Variants in EYS observed in about 807,000 individuals in gnomAD.
EYS encodes protein eyes shut homolog.
In EYS, 250 loss-of-function variants were observed where a neutral mutation model predicts 282.1. That is an observed-to-expected ratio of 0.89 (90% confidence interval 0.80 to 0.98). The LOEUF is 0.98. Among genes scored for constraint, EYS ranks in the 50% least tolerant of loss-of-function variants. The pLI is 0.00. For synonymous variants in EYS, 1,355 were observed against 1,282.9 expected, an observed-to-expected ratio of 1.06 and a Z score of -1.20; for missense variants, 4,016 against 3,709.0, an observed-to-expected ratio of 1.08 and a Z score of -2.15.
At chr6:64,855,394 T>C (rs1766025825) in intron 19 of EYS, among the ~76,000 whole-genome samples, 2 of 152,164 alleles carry the variant, frequency 1.3e-5, no homozygotes, top group Admixed American at 6.6e-5. Context: ...TTTCCTTTTC[T>C]CTAGTTTTTT....
chr6:65,193,037 A>G (rs765274891), intron 12 of EYS, among the ~76,000 whole-genome samples: 7 of 151,856 alleles, frequency 4.6e-5, no homozygotes, highest in Non-Finnish European at 1.0e-4. Flanking sequence ...CATGGATAGA[A>G]CTGGAGGTCA....
intron 2 of EYS, among the ~76,000 whole-genome samples, chr6:65,590,145 T>G (rs1437901817): frequency 1.3e-5 from 2 of 151,998 alleles, no homozygotes; most frequent in African/African-American, 4.8e-5. Context: ...AAAATGATTC[T>G]GAAGATGTAG....
At chr6:65,063,076 C>T (rs1285594725) in intron 12 of EYS, among the ~76,000 whole-genome samples, 3 of 151,606 alleles carry the variant, frequency 2.0e-5, no homozygotes, top group Non-Finnish European at 4.4e-5. Context: ...AGTCAGAGTC[C>T]ATTATTAGTA....
At chr6:64,730,125 C>A (rs552834673) in intron 22 of EYS, among the ~76,000 whole-genome samples, 1 of 152,066 alleles carries the variant, frequency 6.6e-6, no homozygotes, top group Admixed American at 6.5e-5. Context: ...AATAAATGAT[C>A]TAAATATATT....
chr6:64,448,629 A>G (rs1775206430), intron 26 of EYS, among the ~76,000 whole-genome samples: 1 of 152,170 alleles, frequency 6.6e-6, no homozygotes, highest in African/African-American at 2.4e-5. Flanking sequence ...CTGACATCTC[A>G]CACAGCCGGG....
At chr6:65,007,413 T>C (rs1311316234) in intron 13 of EYS, among the ~76,000 whole-genome samples, 1 of 152,152 alleles carries the variant, frequency 6.6e-6, no homozygotes, top group Non-Finnish European at 1.5e-5. Context: ...GCCTGGCCAC[T>C]ATACCCTCTT....
intron 2 of EYS, among the ~76,000 whole-genome samples, chr6:65,506,255 T>G (rs1582390003): frequency 6.6e-6 from 1 of 152,026 alleles, no homozygotes; most frequent in Non-Finnish European, 1.5e-5. Flanking sequence ...TATAGGTGGG[T>G]CTTGTTTATT....
At chr6:65,018,703 GT>G (rs1433158617) in intron 13 of EYS, among the ~76,000 whole-genome samples, 1 of 151,950 alleles carries the variant, frequency 6.6e-6, no homozygotes, top group Non-Finnish European at 1.5e-5. Context: ...TTGTTTGTTT[GT>G]TTAGAAGTTT....
intron 28 of EYS, among the ~76,000 whole-genome samples, chr6:64,395,286 A>C (rs1773321075): frequency 6.6e-6 from 1 of 152,304 alleles, no homozygotes; most frequent in African/African-American, 2.4e-5. Context: ...TACTGGGTAT[A>C]TACCCAAAGG....
intron 30 of EYS, among the ~76,000 whole-genome samples, chr6:64,278,908 A>G (rs79556411): frequency 0.2 from 29,981 of 151,950 alleles, 3,673 homozygotes; most frequent in East Asian, 0.35. Context: ...ACATGCCACC[A>G]TGCCTGGCTA....
intron 26 of EYS, among the ~76,000 whole-genome samples, chr6:64,451,982 C>A (rs1775366782): frequency 6.6e-6 from 1 of 152,144 alleles, no homozygotes; most frequent in South Asian, 2.1e-4. Flanking sequence ...CACTCTTATT[C>A]AACATAGTGT....
chr6:64,388,856 A>C lies in EYS; in HGVS notation c.5928-16T>G, dbSNP rs1773001456. On this transcript the variant is annotated splice_polypyrimidine_tract_variant and intron_variant, in intron 28 of 42. Transcript: ENST00000503581. ...CAATTCTTGCCTGTAACCATTTAAG[A>C]AAGAAATGGTTTTAGTATAAGTCAT... The C allele has an allele frequency of 6.8e-7, 1 of 1,473,158 alleles. No homozygotes were observed. Among genetic ancestry groups the C allele is most frequent in the Non-Finnish European group, 9.0e-7 (1 of 1,109,032 alleles). 91.3% of individuals were successfully genotyped at this position (1,473,158 alleles called of 1,614,324 possible).
intron 12 of EYS, among the ~76,000 whole-genome samples, chr6:65,192,851 G>A (rs1331136177): frequency 1.3e-5 from 2 of 151,770 alleles, no homozygotes; most frequent in Non-Finnish European, 2.9e-5. Context: ...TGCTTAGGAA[G>A]TGTAATGATC....
chr6:64,295,326 A>G (rs1172959619), intron 30 of EYS, among the ~76,000 whole-genome samples: 1 of 54,130 alleles, frequency 1.8e-5, no homozygotes, highest in East Asian at 3.1e-4. Context: ...AAAACGAAGA[A>G]GAAGGAAGAA....
At chr6:65,161,848 G>A (rs12211960) in intron 12 of EYS, among the ~76,000 whole-genome samples, 6,454 of 151,150 alleles carry the variant, frequency 0.043, 199 homozygotes, top group Middle Eastern at 0.065. Context: ...TTATGCCTGA[G>A]TATACTTGCC....
At chr6:64,255,041 T>A (rs2150350125) in intron 30 of EYS, among the ~76,000 whole-genome samples, 1 of 152,194 alleles carries the variant, frequency 6.6e-6, no homozygotes, top group South Asian at 2.1e-4. Context: ...AAGCACAAAA[T>A]ATTTTGAGGA....
chr6:65,490,461 A>C (rs1315103073), intron 5 of EYS, 133 bp downstream of exon 5: 2 of 597,994 alleles, frequency 3.3e-6, no homozygotes, highest in East Asian at 5.7e-5. Context: ...CTTTACCATA[A>C]AAGAGTTCAG....
At chr6:65,307,965 TTTTA>T (rs573278421) in intron 11 of EYS, among the ~76,000 whole-genome samples, 17 of 151,048 alleles carry the variant, frequency 1.1e-4, no homozygotes, top group Admixed American at 2.0e-4. Context: ...AGCCTTTTAT[TTTTA>T]TTTATTTATT....
chr6:65,247,448 A>G (rs1767208850), intron 12 of EYS, among the ~76,000 whole-genome samples: 1 of 152,092 alleles, frequency 6.6e-6, no homozygotes, highest in Admixed American at 6.6e-5. Context: ...TTCCTAATAT[A>G]TAAATATTCA....
Sources: gnomAD v4.1 joint callset for allele counts (sites outside exome capture counted in the v4.1 genomes callset) on GRCh38, gnomAD v4.1.1 for gene constraint, MANE v1.5 for transcripts, NCBI Gene and HGNC (gene_info 2026-07-23, HGNC 2026-07-21) for gene names.